The following TLL1 variants were observed in gnomAD, a reference collection of about 807,000 sequenced individuals.
The protein encoded by TLL1 is tolloid like 1.
Under a neutral mutation model 128.2 loss-of-function variants are expected in TLL1, and 49 were observed. The ratio of observed to expected loss-of-function variants is 0.38; its 90% CI spans 0.30 to 0.48. The LOEUF (loss-of-function observed/expected upper bound fraction) is 0.48, where lower values mean the gene tolerates loss of function less well. Among genes scored for constraint, TLL1 ranks in the 20% least tolerant of loss-of-function variants. The pLI is 0.96. For missense variants in TLL1, 1,123 were observed against 1,242.0 expected (o/e 0.90, Z 1.44); for synonymous variants, 454 against 418.8 (o/e 1.08, Z -1.03).
Position 165,989,571 on chromosome 4 carries a change from A to G in TLL1, c.280+80A>G, listed in dbSNP as rs903960372. On this transcript the variant is annotated intron_variant, in intron 2 of 20. Transcript: ENST00000061240. ...GAAGTGCTATAAATATTTTTGGATC[A>G]TTTTTCATCTCCTGTTGATCAACTC... 3.6e-5 allele frequency: 36 copies of G among 1,009,288 alleles called. 2 individuals carry two copies. The Middle Eastern group carries it at 6.2e-4, about 17-fold the overall frequency. 62.5% of individuals were successfully genotyped at this position (1,009,288 alleles called of 1,614,324 possible). A position where few individuals can be genotyped will look rare whatever the true frequency, so the allele number is the denominator to read the frequency against.
At chr4:166,090,041 G>A (rs960055532) in intron 18 of TLL1, among the ~76,000 whole-genome samples, 1 of 152,014 alleles carries the variant, frequency 6.6e-6, no homozygotes, top group Non-Finnish European at 1.5e-5. Flanking sequence ...CAATTAGACT[G>A]AACATTATGA....
At chr4:166,066,775 A>G (rs1740593257) in intron 16 of TLL1, among the ~76,000 whole-genome samples, 4 of 151,878 alleles carry the variant, frequency 2.6e-5, no homozygotes, top group Middle Eastern at 3.4e-3. Flanking sequence ...CCAGAATACA[A>G]TGGACCTCGG....
At chr4:166,000,933 G>A (rs374707214) in intron 5 of TLL1, among the ~76,000 whole-genome samples, 2 of 152,054 alleles carry the variant, frequency 1.3e-5, no homozygotes, top group East Asian at 3.9e-4. Flanking sequence ...TAATAAATTT[G>A]TAAATGATGA....
rs190837321 is a variant in TLL1 at position 165,974,319 on chromosome 4, T to C, written c.170-15062T>C. Among the ~76,000 whole-genome samples the C allele has an allele frequency of 5.8e-3, 809 of 139,346 alleles. 127 individuals are homozygous for C. Among genetic ancestry groups the C allele is most frequent in the African/African-American group, 0.025 (771 of 30,282 alleles). The allele number at this position is 139,346 out of a possible 152,430, so 91.4% of individuals were successfully genotyped here. ...CTACGCCCGGCTAATTTTTTGTATT[T>C]TTCATAGAGACGGGGTTTCACCGTT... On this transcript the variant is annotated intron_variant, in intron 1 of 20. Coordinates refer to ENST00000061240, the MANE Select transcript of TLL1 (RefSeq NM_012464.5).
rs142537842 is a variant in TLL1, at chr4:166,043,064, T to G, written c.1379-210T>G. 1.7e-3 allele frequency among the ~76,000 whole-genome samples: 256 copies of G among 152,144 alleles called. 1 individual carries two copies. Among genetic ancestry groups the G allele is most frequent in the African/African-American group, 6.0e-3 (249 of 41,526 alleles). ...ATAGGATTAAAAATTATTTATTCCT[T>G]GACCATTATCTAATATTTGTAGTTA... On this transcript the variant is annotated intron_variant, in intron 11 of 20. Coordinates refer to ENST00000061240, the MANE Select transcript of TLL1 (RefSeq NM_012464.5).
intron 12 of TLL1, among the ~76,000 whole-genome samples, chr4:166,048,375 T>C (rs1560834452): frequency 6.6e-6 from 1 of 152,024 alleles, no homozygotes; most frequent in South Asian, 2.1e-4. Flanking sequence ...CCTTGAAAAC[T>C]ATGGAAATAA....
intron 7 of TLL1, 45 bp from the exon 8 acceptor site, chr4:166,014,391 T>C (rs200266402): frequency 1.2e-6 from 2 of 1,610,496 alleles, no homozygotes; most frequent in Non-Finnish European, 1.7e-6. Context: ...ATTCATGAGT[T>C]TTCATTTGGT....
intron 1 of TLL1, among the ~76,000 whole-genome samples, chr4:165,965,312 T>G (rs1473075928): frequency 6.6e-6 from 1 of 152,222 alleles, no homozygotes. Context: ...AAAGATTTTA[T>G]GTCAACACCC....
At chr4:166,008,645 T>C (rs1334297535) in intron 7 of TLL1, among the ~76,000 whole-genome samples, 1 of 151,622 alleles carries the variant, frequency 6.6e-6, no homozygotes, top group Non-Finnish European at 1.5e-5. Flanking sequence ...AAAGCTACTT[T>C]TAAAGAATGC....
intron 1 of TLL1, among the ~76,000 whole-genome samples, chr4:165,895,681 T>C (rs1731643696): frequency 1.6e-5 from 2 of 123,170 alleles, no homozygotes; most frequent in Non-Finnish European, 3.3e-5. Context: ...AATTCTAAAA[T>C]TCATATAGAA....
intron 12 of TLL1, among the ~76,000 whole-genome samples, chr4:166,052,965 G>GTGTGTGTGTGTGTGTATA: frequency 1.0e-5 from 1 of 99,648 alleles, no homozygotes; most frequent in African/African-American, 3.8e-5. Flanking sequence ...GAGGTTATGT[G>GTGTGTGTGTGTGTGTATA]TATATATATA....
chr4:166,030,557 G>T, intron 9 of TLL1: 1 of 559,562 alleles, frequency 1.8e-6, no homozygotes, highest in Non-Finnish European at 3.2e-6. Flanking sequence ...TGCTTTTGGT[G>T]TCATAGCCAA....
At chr4:165,897,467 AT>A (rs1731732944) in intron 1 of TLL1, among the ~76,000 whole-genome samples, 1 of 152,148 alleles carries the variant, frequency 6.6e-6, no homozygotes, top group Non-Finnish European at 1.5e-5. Context: ...TCCCAACACC[AT>A]TTATTAAATA....
At chr4:166,089,900 T>G (rs547603849) in intron 18 of TLL1, among the ~76,000 whole-genome samples, 2 of 152,054 alleles carry the variant, frequency 1.3e-5, no homozygotes, top group Non-Finnish European at 2.9e-5. Flanking sequence ...TAATATGAAT[T>G]GTTTATTTCA....
intron 4 of TLL1, 66 bp downstream of exon 4, chr4:165,994,599 A>C: frequency 1.9e-6 from 3 of 1,565,402 alleles, no homozygotes; most frequent in Admixed American, 1.7e-5. Context: ...TTAAGTGTCT[A>C]TTTTTATAGA....
At chr4:165,887,651 A>C (rs937269137) in intron 1 of TLL1, among the ~76,000 whole-genome samples, 1 of 152,130 alleles carries the variant, frequency 6.6e-6, no homozygotes, top group Non-Finnish European at 1.5e-5. Context: ...ATATTGGTTA[A>C]ATTTGGACTT....
At chr4:166,003,354 C>T (rs762100892) in intron 5 of TLL1, 37 bp from the exon 6 acceptor site, 1 of 1,611,554 alleles carries the variant, frequency 6.2e-7, no homozygotes, top group Non-Finnish European at 8.5e-7. Context: ...CCAGCACCAC[C>T]TTTCCACCAC....
chr4:165,892,724 A>T (rs1731483681), intron 1 of TLL1, among the ~76,000 whole-genome samples: 4 of 152,194 alleles, frequency 2.6e-5, no homozygotes, highest in Admixed American at 2.0e-4. Flanking sequence ...CAACCCTGAG[A>T]ATTATTCTAA....
chr4:165,908,487 G>A (rs756209976), intron 1 of TLL1, among the ~76,000 whole-genome samples: 16 of 151,632 alleles, frequency 1.1e-4, no homozygotes, highest in Non-Finnish European at 1.9e-4. Context: ...GGAGACTGAG[G>A]TGAGAGGATC....
Sources: gnomAD v4.1 joint callset for allele counts (sites outside exome capture counted in the v4.1 genomes callset) on GRCh38, gnomAD v4.1.1 for gene constraint, MANE v1.5 for transcripts, NCBI Gene and HGNC (gene_info 2026-07-23, HGNC 2026-07-21) for gene names.